SASS6: variants seen among roughly 807,000 people sequenced by gnomAD.
The protein encoded by SASS6 is SAS-6 centriolar assembly protein.
Under a neutral mutation model 94.9 loss-of-function variants are expected in SASS6, and 59 were observed. The observed-to-expected ratio is 0.62, with a 90% CI of 0.50 to 0.77. The LOEUF (loss-of-function observed/expected upper bound fraction) is 0.77. Ranked by LOEUF, SASS6 falls within the 30% of genes least tolerant of loss-of-function variation. SASS6 has a pLI of 0.00. For synonymous variants in SASS6, 264 were observed against 270.0 expected (o/e 0.98, Z 0.22); for missense variants, 698 against 734.1 (o/e 0.95, Z 0.57).
At chr1:100,104,631 T>C (rs692990) in intron 13 of SASS6, among the ~76,000 whole-genome samples, 12,910 of 151,956 alleles carry the variant, frequency 0.085, 896 homozygotes, top group African/African-American at 0.19. Flanking sequence ...AACTGAATTA[T>C]GTATTTTTAG....
At chr1:100,131,477 T>C (rs1238804287) in intron 1 of SASS6, among the ~76,000 whole-genome samples, 2 of 152,228 alleles carry the variant, frequency 1.3e-5, no homozygotes, top group Non-Finnish European at 2.9e-5. Context: ...ACACATAATA[T>C]AAAAATTGAC....
At chr1:100,093,944 G>A (rs1246909277) in intron 14 of SASS6, among the ~76,000 whole-genome samples, 1 of 151,928 alleles carries the variant, frequency 6.6e-6, no homozygotes, top group Non-Finnish European at 1.5e-5. Flanking sequence ...GTAAGAAAAG[G>A]AGCCAAACAA....
intron 4 of SASS6, 107 bp from the exon 5 acceptor site, chr1:100,121,656 G>A (rs1250763044): frequency 2.8e-5 from 18 of 649,024 alleles, no homozygotes; most frequent in Non-Finnish European, 4.6e-5. Flanking sequence ...GGAGCACATT[G>A]AGGACTCCCA....
chr1:100,096,374 C>A (rs1319656879), intron 14 of SASS6, among the ~76,000 whole-genome samples: 4 of 152,140 alleles, frequency 2.6e-5, no homozygotes, highest in Non-Finnish European at 2.9e-5. Flanking sequence ...TCAAGCCATG[C>A]ACACAAATTA....
intron 14 of SASS6, among the ~76,000 whole-genome samples, chr1:100,097,600 A>C (rs913710489): frequency 2.0e-5 from 3 of 152,058 alleles, no homozygotes; most frequent in African/African-American, 7.2e-5. Context: ...TGAGGCAGGC[A>C]GATACCTTGA....
chr1:100,117,058 C>T (rs572098709), intron 7 of SASS6, among the ~76,000 whole-genome samples: 1 of 152,180 alleles, frequency 6.6e-6, no homozygotes, highest in East Asian at 1.9e-4. Flanking sequence ...CTTTGGGAGG[C>T]TGAGGAGGGC....
chr1:100,087,720 T>TATA (rs1276962689), intron 15 of SASS6, among the ~76,000 whole-genome samples: 2 of 152,176 alleles, frequency 1.3e-5, no homozygotes, highest in African/African-American at 4.8e-5. Context: ...TAGATTAGAT[T>TATA]ATACTGAAAG....
chr1:100,117,999 C>T (rs1653920169), intron 7 of SASS6, among the ~76,000 whole-genome samples: 2 of 151,434 alleles, frequency 1.3e-5, no homozygotes. Context: ...ACTAGTACTA[C>T]CTTAAGATCA....
At chr1:100,115,685 C>T (rs141093203) in intron 7 of SASS6, among the ~76,000 whole-genome samples, 6 of 152,096 alleles carry the variant, frequency 3.9e-5, no homozygotes, top group South Asian at 2.1e-4. Flanking sequence ...TAAAATCAGC[C>T]GGTGTGGTGA....
intron 12 of SASS6, among the ~76,000 whole-genome samples, chr1:100,106,283 T>C (rs1257028593): frequency 6.6e-6 from 1 of 152,200 alleles, no homozygotes; most frequent in Non-Finnish European, 1.5e-5. Context: ...AAACAATTCA[T>C]ATTGTTATTA....
chr1:100,132,711 C>T, intron 1 of SASS6, 39 bp downstream of exon 1: 1 of 1,573,226 alleles, frequency 6.4e-7, no homozygotes, highest in Non-Finnish European at 8.7e-7. Flanking sequence ...GGCCTGACCC[C>T]AACCGCCACC....
chr1:100,122,546 TG>T, intron 3 of SASS6, 62 bp from the exon 4 acceptor site: 2 of 470,612 alleles, frequency 4.2e-6, no homozygotes, highest in Non-Finnish European at 7.1e-6. Flanking sequence ...TTTGTTTTGG[TG>T]CCTTTTTTTT....
At chr1:100,089,887 CTTGA>C (rs1234809939) in intron 14 of SASS6, among the ~76,000 whole-genome samples, 3 of 150,296 alleles carry the variant, frequency 2.0e-5, no homozygotes, top group Non-Finnish European at 3.0e-5. Context: ...TTTAAATATA[CTTGA>C]TTGTTTAAAG....
At chr1:100,088,317 GC>G (rs1651450758) in intron 14 of SASS6, 81 bp from the exon 15 acceptor site, 6 of 696,870 alleles carry the variant, frequency 8.6e-6, no homozygotes, top group Non-Finnish European at 1.3e-5. Flanking sequence ...TTTAAACAGA[GC>G]CTTGCTCTGT....
rs189086585 is a variant in SASS6 at position 100,107,206 on chromosome 1, A to C, written c.1326+168T>G. On this transcript the variant is annotated intron_variant, in intron 11 of 16. Transcript: ENST00000287482. The stretch of plus-strand genomic sequence containing the variant: ...GCAATCAAGGTATCTGAATCATGAT[A>C]ACTAACTTTCCAAACTGAAACAGGT... Among the ~76,000 whole-genome samples the C allele has an allele frequency of 1.1e-3, 174 of 152,262 alleles. 1 individual carries two copies. The highest frequency in any genetic ancestry group is 4.1e-3 in the African/African-American group (170 of 41,562).
At chr1:100,106,153 GAA>G (rs1652883181) in intron 12 of SASS6, among the ~76,000 whole-genome samples, 1 of 152,064 alleles carries the variant, frequency 6.6e-6, no homozygotes, top group Non-Finnish European at 1.5e-5. Flanking sequence ...GCAACTCTTT[GAA>G]AGATTTCACT....
chr1:100,117,854 GAAA>G (rs79222012), intron 7 of SASS6, among the ~76,000 whole-genome samples: 1 of 70,006 alleles, frequency 1.4e-5, no homozygotes, highest in African/African-American at 5.8e-5. Flanking sequence ...AGGGCACAGT[GAAA>G]AAAAAAAAAT....
At position 100,110,392 on chromosome 1, in the gene SASS6, A is replaced by G. The variant is rs1653231079; in HGVS notation, c.761T>C (p.Leu254Pro). The G allele has an allele frequency of 6.2e-7, 1 of 1,609,020 alleles. No homozygotes were observed. The highest frequency in any genetic ancestry group is 8.5e-7 in the Non-Finnish European group (1 of 1,176,012). ...TTTATTAGCCGCTTCTAACTCAGACAGTCTGTTTTGTAGCTGGTGGATGTT... is the reference window on the plus strand; with the variant it reads ...TTTATTAGCCGCTTCTAACTCAGACGGTCTGTTTTGTAGCTGGTGGATGTT... The part of the protein sequence containing the change: ...QQNIHQLQNR[L>P]SELEAANKDL... Residue 254 changes from leucine to proline, a missense_variant, in exon 8 of 17, where the codon CTG becomes CCG. Leu to Pro is a moderately conservative substitution (Grantham distance 98). Coordinates refer to ENST00000287482, the MANE Select transcript of SASS6 (RefSeq NM_194292.3).
intron 14 of SASS6, among the ~76,000 whole-genome samples, chr1:100,088,557 T>G (rs1651467294): frequency 6.6e-6 from 1 of 152,034 alleles, no homozygotes; most frequent in Admixed American, 6.5e-5. Flanking sequence ...CCCAAAATCA[T>G]GGGATTACAG....
Sources: gnomAD v4.1 joint callset for allele counts (sites outside exome capture counted in the v4.1 genomes callset) on GRCh38, gnomAD v4.1.1 for gene constraint, MANE v1.5 for transcripts, NCBI Gene and HGNC (gene_info 2026-07-23, HGNC 2026-07-21) for gene names.